The following GAK variants were observed in gnomAD, a reference collection of about 807,000 sequenced individuals.
The protein encoded by GAK is cyclin G associated kinase, also known as cyclin-G-associated kinase.
A neutral mutation model predicts 143.9 loss-of-function variants in GAK; 79 were observed. The observed-to-expected ratio is 0.55, with a 90% CI of 0.46 to 0.66. The LOEUF is 0.66. GAK is among the 30% of genes least tolerant of loss of function. The probability of loss-of-function intolerance (pLI) is 0.00; values close to 1 mark genes in which losing one functional copy is unlikely to be tolerated. For synonymous variants in GAK, 881 were observed against 765.5 expected (o/e 1.15, Z -2.49); for missense variants, 1,693 against 1,779.7 (o/e 0.95, Z 0.88).
At chr4:859,344 A>T (rs1234481205) in intron 24 of GAK, 1 of 1,422,052 alleles carries the variant, frequency 7.0e-7, no homozygotes, top group Non-Finnish European at 9.3e-7. Flanking sequence ...GGCCCTGAGG[A>T]CAGGATGGAT....
At chr4:876,766 A>C (rs1230175041) in intron 17 of GAK, among the ~76,000 whole-genome samples, 157 bp from the exon 18 acceptor site, 2 of 152,148 alleles carry the variant, frequency 1.3e-5, no homozygotes. Flanking sequence ...GAAGCGGGAG[A>C]GGGTCTGTGT....
chr4:849,757 G>A lies in GAK; in HGVS notation c.3852C>T (p.Tyr1284=), dbSNP rs141809985. The A allele has an allele frequency of 5.7e-4, 918 of 1,613,002 alleles. 5 individuals are homozygous for A. The highest frequency in any genetic ancestry group is 3.5e-3 in the Admixed American group (209 of 59,938). Residue 1284 remains tyrosine, a synonymous_variant, in exon 28 of 28, where the codon TAC becomes TAT. Coordinates refer to ENST00000314167, the MANE Select transcript of GAK (RefSeq NM_005255.4). ...TGAAGATCATCTTGGCGTGCTGCTC[G>A]TACGGCTGCCCCGCAGCCTATGGGT... The part of the protein sequence containing the change: ...VHPDKAAGQP[Y]EQHAKMIFME...
chr4:902,595 T>G (rs1577240375), intron 5 of GAK, among the ~76,000 whole-genome samples: 1 of 6,152 alleles, frequency 1.6e-4, no homozygotes, highest in Non-Finnish European at 2.8e-4. Flanking sequence ...AGTGACTGAC[T>G]CAAAAAAAAA....
chr4:876,329 G>A (rs890078784), intron 18 of GAK, among the ~76,000 whole-genome samples: 4 of 151,674 alleles, frequency 2.6e-5, no homozygotes. Flanking sequence ...CCAACGGGGG[G>A]GCAGAGCAGC....
At chr4:920,835 C>G (rs1302205030) in intron 1 of GAK, among the ~76,000 whole-genome samples, 1 of 152,148 alleles carries the variant, frequency 6.6e-6, no homozygotes, top group African/African-American at 2.4e-5. Flanking sequence ...AGCCACCATG[C>G]CCGGCCCCAG....
rs993722762 is a variant in GAK, at chr4:883,968, C to A, written c.1255+69G>T. ...GCAGAGGCACCTGTGCCCTGACACA[C>A]AACAGGGACTCACTGGGCACACAGG... On this transcript the variant is annotated intron_variant, in intron 12 of 27. Coordinates refer to ENST00000314167, the MANE Select transcript of GAK (RefSeq NM_005255.4). 4.2e-6 allele frequency: 6 copies of A among 1,414,054 alleles called. No homozygotes were observed. In the African/African-American group the frequency reaches 8.5e-5, roughly 20 times the overall value. 87.6% of individuals were successfully genotyped at this position (1,414,054 alleles called of 1,614,324 possible).
chr4:866,862 A>T, intron 21 of GAK, 94 bp downstream of exon 21: 3 of 989,500 alleles, frequency 3.0e-6, no homozygotes, highest in South Asian at 1.8e-5. Flanking sequence ...CCCTTCCTGC[A>T]AGCACCTTCG....
intron 1 of GAK, among the ~76,000 whole-genome samples, chr4:917,324 T>G (rs1046462948): frequency 6.9e-6 from 1 of 145,102 alleles, no homozygotes; most frequent in Non-Finnish European, 1.5e-5. Flanking sequence ...AGAAGGCCAA[T>G]GCCAGGCCAA....
intron 9 of GAK, among the ~76,000 whole-genome samples, chr4:890,985 T>C (rs952409034): frequency 6.6e-6 from 1 of 151,368 alleles, no homozygotes; most frequent in African/African-American, 2.4e-5. Flanking sequence ...AGTCTTGCTC[T>C]GTGACCCAGG....
Position 877,752 on chromosome 4 carries a change from C to A in GAK, c.1719G>T (p.Lys573Asn). 7 of 1,613,128 alleles carry A rather than the reference C, an allele frequency of 4.3e-6. No individual in the cohort carries two copies. The highest frequency in any genetic ancestry group is 5.9e-6 in the Non-Finnish European group (7 of 1,179,770). Residue 573 changes from lysine to asparagine, a missense_variant, in exon 16 of 28, where the codon AAG (lysine) becomes AAT (asparagine). Coordinates refer to ENST00000314167, the MANE Select transcript of GAK (RefSeq NM_005255.4). Reference protein sequence around the residue: ...VAEEPITPHSKPILVRAVVMT... With the variant: ...VAEEPITPHSNPILVRAVVMT... Reference sequence around the variant, plus strand: ...TGACCACGGCCCTCACCAGGATGGGCTTGCTGTGGGGTGTGATGGGCTCCT... The same window carrying A: ...TGACCACGGCCCTCACCAGGATGGGATTGCTGTGGGGTGTGATGGGCTCCT...
At chr4:854,337 T>C (rs1351972639) in intron 24 of GAK, among the ~76,000 whole-genome samples, 3 of 152,136 alleles carry the variant, frequency 2.0e-5, no homozygotes, top group Non-Finnish European at 2.9e-5. Context: ...GATGAGTCCT[T>C]TGTCAAATAG....
At chr4:903,813 A>G (rs370708570) in intron 5 of GAK, among the ~76,000 whole-genome samples, 3 of 152,060 alleles carry the variant, frequency 2.0e-5, no homozygotes, top group Non-Finnish European at 4.4e-5. Context: ...AACTGGAGTG[A>G]GCAAGCATCC....
chr4:869,424 C>T (rs1711913278), intron 19 of GAK: 1 of 146,282 alleles, frequency 6.8e-6, no homozygotes, highest in Non-Finnish European at 1.5e-5. Context: ...AATGCACACA[C>T]AGCACAAATG....
chr4:872,246 C>A (rs913611492), intron 18 of GAK: 1 of 152,306 alleles, frequency 6.6e-6, no homozygotes, highest in Non-Finnish European at 1.5e-5. Context: ...ACCCTGTGCC[C>A]GCCCTGAGGG....
rs768017849 is a variant in GAK, at chr4:902,596, CAAA to C, written c.525+2038_525+2040del. Among the ~76,000 whole-genome samples the C allele has an allele frequency of 5.4e-4, 33 of 60,728 alleles. 2 individuals carry two copies. Among genetic ancestry groups the C allele is most frequent in the African/African-American group, 2.2e-3 (27 of 12,186 alleles). 39.8% of individuals were successfully genotyped at this position (60,728 alleles called of 152,430 possible). ...AGCCTGGGCTGTAGAGTGACTGACTCAAAAAAAAAAAAAAAAAACCCCAAAAAA... is the reference window on the plus strand; with the variant it reads ...AGCCTGGGCTGTAGAGTGACTGACTCAAAAAAAAAAAAAAACCCCAAAAAA... On this transcript the variant is annotated intron_variant, in intron 5 of 27. Transcript: ENST00000314167.
At chr4:914,615 A>G (rs1286030210) in intron 1 of GAK, among the ~76,000 whole-genome samples, 3 of 88,514 alleles carry the variant, frequency 3.4e-5, no homozygotes, top group African/African-American at 9.2e-5. Flanking sequence ...GCCCCAGCGT[A>G]CACGGCCCCC....
At position 896,529 on chromosome 4, in the gene GAK, T is replaced by G. The variant is rs966104049; in HGVS notation, c.672A>C (p.Pro224=). 8 of 1,613,050 alleles carry G rather than the reference T, an allele frequency of 5.0e-6. No individual in the cohort carries two copies. Among genetic ancestry groups the G allele is most frequent in the Non-Finnish European group, 6.8e-6 (8 of 1,179,084 alleles). Residue 224 remains proline (P), a synonymous_variant, in exon 7 of 28, where the codon CCA becomes CCC. Coordinates refer to ENST00000314167, the MANE Select transcript of GAK (RefSeq NM_005255.4). ...CTATGATTTCTGGTGTTCTATACAT[T>G]GGTGTTGTATTCCTCGTGATCTGAA... ...VEEEITRNTT[P]MYRTPEIIDL... is the part of the protein sequence containing the mutation.
At chr4:868,115 T>G (rs1272572501) in intron 20 of GAK, among the ~76,000 whole-genome samples, 1 of 151,404 alleles carries the variant, frequency 6.6e-6, no homozygotes, top group Admixed American at 6.6e-5. Context: ...GGCGCCCAGG[T>G]GTTTTCCTGA....
At chr4:889,245 T>C (rs977152940) in intron 10 of GAK, among the ~76,000 whole-genome samples, 5 of 152,062 alleles carry the variant, frequency 3.3e-5, no homozygotes, top group East Asian at 1.9e-4. Context: ...ACCCAGGAAA[T>C]GGTCAATCTG....
Sources: allele counts gnomAD v4.1 joint callset (sites outside exome capture counted in the v4.1 genomes callset), GRCh38; gene constraint gnomAD v4.1.1; transcripts MANE v1.5; gene names NCBI Gene and HGNC (gene_info 2026-07-23, HGNC 2026-07-21).